Variants in SEMG1 observed in about 807,000 individuals in gnomAD.
SEMG1 encodes the protein semenogelin 1, also known as semenogelin-1.
SEMG1 carries 6 observed loss-of-function variants against 8.8 expected under a neutral mutation model. That is an observed-to-expected ratio of 0.68 (90% CI 0.37 to 1.35). SEMG1 has a LOEUF of 1.35. Ranked by LOEUF, SEMG1 falls within the 40% of genes most tolerant of loss-of-function variation. SEMG1 has a pLI of 0.02. For missense variants in SEMG1, 580 were observed against 533.6 expected (o/e 1.09, Z -0.86); for synonymous variants, 221 against 190.3 (o/e 1.16, Z -1.33).
In SEMG1 at chr20:45,207,727, C is replaced by G. The variant is rs375787081; in HGVS notation, c.430C>G (p.Gln144Glu). The change falls in exon 2 of 3, where the codon CAA (glutamine) becomes GAA (glutamate). Residue 144 changes from glutamine to glutamate, a missense_variant. Gln to Glu is a conservative substitution (Grantham distance 29). Transcript: ENST00000372781. ...KAHRGTQNPS[Q>E]DQGNSPSGKG... ...TCATCGTGGGACACAAAATCCTTCTCAAGATCAGGGGAATAGCCCATCTGG... is the reference window on the plus strand; with the variant it reads ...TCATCGTGGGACACAAAATCCTTCTGAAGATCAGGGGAATAGCCCATCTGG... 3.3e-5 allele frequency: 54 copies of G among 1,613,940 alleles called. No individual in the cohort carries two copies. The African/African-American group carries it at 4.3e-4, about 13-fold the overall frequency.
rs369111731 is a variant in SEMG1, at chr20:45,207,828, C to T, written c.531C>T (p.Ser177=). ...WVHGLSKEQT[S]VSGAQKGRKQ... The stretch of plus-strand genomic sequence containing the variant: ...ATGGACTAAGTAAAGAACAAACTTC[C>T]GTCTCTGGTGCACAAAAAGGTAGAA... Residue 177 remains serine (S), a synonymous_variant, in exon 2 of 3, where the codon TCC becomes TCT. Coordinates refer to ENST00000372781, the MANE Select transcript of SEMG1 (RefSeq NM_003007.5). 2.2e-5 allele frequency: 35 copies of T among 1,613,640 alleles called. No homozygotes were observed. Among genetic ancestry groups the T allele is most frequent in the South Asian group, 1.8e-4 (16 of 91,062 alleles).
At position 45,208,096 on chromosome 20, in the gene SEMG1, C is replaced by T; in HGVS notation, c.799C>T (p.Gln267Ter). 1 of 1,613,986 alleles carries T rather than the reference C, an allele frequency of 6.2e-7. No homozygotes were observed. The highest frequency in any genetic ancestry group is 8.5e-7 in the Non-Finnish European group (1 of 1,179,954). ...QDELLVYNKN[Q>*]HQTKNLNQDQ... ...TGAGCTCCTAGTATATAACAAGAATCAACACCAGACAAAAAATCTCAATCA... is the reference window on the plus strand; with the variant it reads ...TGAGCTCCTAGTATATAACAAGAATTAACACCAGACAAAAAATCTCAATCA... Residue 267 changes from glutamine (Q) to a stop codon, truncating the protein, a stop_gained, in exon 2 of 3, where the codon CAA becomes TAA. Coordinates refer to ENST00000372781, the MANE Select transcript of SEMG1 (RefSeq NM_003007.5). LOFTEE classifies it low-confidence loss of function (END_TRUNC).
chr20:45,207,325 G>A, intron 1 of SEMG1, 49 bp from the exon 2 acceptor site: 1 of 1,495,220 alleles, frequency 6.7e-7, no homozygotes, highest in Non-Finnish European at 9.1e-7. Flanking sequence ...AGAGTTGTAA[G>A]GGAGCTTTGG....
In SEMG1 at chr20:45,209,639, G is replaced by A. The variant is rs1362389743; in HGVS notation, c.*83G>A. 20 of 152,176 alleles carry A rather than the reference G, an allele frequency of 1.3e-4. No individual in the cohort carries two copies. Among genetic ancestry groups the A allele is most frequent in the Admixed American group, 1.1e-3 (17 of 15,276 alleles). 9.4% of individuals were successfully genotyped at this position (152,176 alleles called of 1,614,324 possible). On this transcript the variant is annotated 3_prime_UTR_variant, in exon 3 of 3. Transcript: ENST00000372781. Reference sequence around the variant, plus strand: ...TCAGTGAATTCTGTGATGTTTCTGAGATGCAGACTCCCGTGTAGTTTCAGA... The same window carrying A: ...TCAGTGAATTCTGTGATGTTTCTGAAATGCAGACTCCCGTGTAGTTTCAGA...
Position 45,207,118 on chromosome 20 carries a change from T to C in SEMG1, c.65T>C (p.Met22Thr), listed in dbSNP as rs1444085665. 1.1e-5 allele frequency: 18 copies of C among 1,613,662 alleles called. No individual in the cohort carries two copies. Among genetic ancestry groups the C allele is most frequent in the Admixed American group, 5.0e-5 (3 of 59,968 alleles). Reference sequence around the variant, plus strand: ...ATCTTGGAGAAGCAAGCAGCTGTGATGGGACAAAAAGGTGAGTGGAGAGGG... The same window carrying C: ...ATCTTGGAGAAGCAAGCAGCTGTGACGGGACAAAAAGGTGAGTGGAGAGGG... Reference protein sequence around the residue: ...LLILEKQAAVMGQKGGSKGRL... With the variant: ...LLILEKQAAVTGQKGGSKGRL... Residue 22 changes from methionine (M) to threonine (T), a missense_variant, in exon 1 of 3, where the codon ATG becomes ACG. Transcript: ENST00000372781.
At chr20:45,207,322 T>A (rs913640971) in intron 1 of SEMG1, 52 bp from the exon 2 acceptor site, 1 of 1,489,336 alleles carries the variant, frequency 6.7e-7, no homozygotes, top group African/African-American at 1.4e-5. Flanking sequence ...GTAAGAGTTG[T>A]AAGGGAGCTT....
In SEMG1 at chr20:45,208,518, T is replaced by G. The variant is rs777993795; in HGVS notation, c.1221T>G (p.Ser407=). 6 of 1,613,896 alleles carry G rather than the reference T, an allele frequency of 3.7e-6. No homozygotes were observed. The highest frequency in any genetic ancestry group is 5.1e-6 in the Non-Finnish European group (6 of 1,179,952). ...ATGGTGAAAATGCAAAAGGAGAGTC[T>G]GGCCAATCTACAAATAGAGAACAAG... The part of the protein sequence containing the change: ...PWHGENAKGE[S]GQSTNREQDL... Residue 407 remains serine (S), a synonymous_variant, in exon 2 of 3, where the codon TCT becomes TCG. Transcript: ENST00000372781.
chr20:45,208,784 T>C (rs1983778812), intron 2 of SEMG1, 54 bp downstream of exon 2: 2 of 862,968 alleles, frequency 2.3e-6, no homozygotes, highest in Non-Finnish European at 3.7e-6. Context: ...TTAGAATTGT[T>C]GGGGACTCTC....
chr20:45,207,132 G>A lies in SEMG1; in HGVS notation c.76+3G>A, dbSNP rs188343576. 3 of 1,613,748 alleles carry A rather than the reference G, an allele frequency of 1.9e-6. No homozygotes were observed. In the East Asian group the frequency reaches 6.7e-5, roughly 36 times the overall value. On this transcript the variant is annotated splice_donor_region_variant and intron_variant, in intron 1 of 2. Coordinates refer to ENST00000372781, the MANE Select transcript of SEMG1 (RefSeq NM_003007.5). ...AGCAGCTGTGATGGGACAAAAAGGT[G>A]AGTGGAGAGGGTAAGCCTTGGGGAA...
intron 2 of SEMG1, 128 bp from the exon 3 acceptor site, chr20:45,209,473 A>G (rs1983795769): frequency 6.6e-6 from 1 of 152,294 alleles, no homozygotes; most frequent in African/African-American, 2.4e-5. Flanking sequence ...GCTGGCAACT[A>G]GTGGCCTGGT....
chr20:45,207,589 C>T lies in SEMG1; in HGVS notation c.292C>T (p.Arg98Ter), dbSNP rs376380754. ...NALHKTTKSQ[R>*]HLGGSQQLLH... ...CCTACATAAGACGACAAAATCACAA[C>T]GACATCTAGGTGGAAGTCAACAACT... The change falls in exon 2 of 3, where the codon CGA becomes TGA. Residue 98 changes from arginine to a stop codon, truncating the protein, a stop_gained. Transcript: ENST00000372781. LOFTEE classifies it low-confidence loss of function (END_TRUNC). 55 of 1,613,450 alleles carry T rather than the reference C, an allele frequency of 3.4e-5. No individual in the cohort carries two copies. The highest frequency in any genetic ancestry group is 1.7e-4 in the Admixed American group (10 of 59,914).
In SEMG1 at chr20:45,207,630, A is replaced by G; in HGVS notation, c.333A>G (p.Gln111=). The change falls in exon 2 of 3, where the codon CAA becomes CAG. Residue 111 remains glutamine, a synonymous_variant. Coordinates refer to ENST00000372781, the MANE Select transcript of SEMG1 (RefSeq NM_003007.5). The part of the protein sequence containing the change: ...GGSQQLLHNK[Q]EGRDHDKSKG... ...GTCAACAACTGCTCCATAATAAACA[A>G]GAAGGCAGAGACCATGATAAATCAA... 6.2e-7 allele frequency: 1 copy of G among 1,613,948 alleles called. No individual in the cohort carries two copies. The highest frequency in any genetic ancestry group is 8.5e-7 in the Non-Finnish European group (1 of 1,179,882).
At position 45,208,760 on chromosome 20, in the gene SEMG1, A is replaced by G. The variant is rs773326293; in HGVS notation, c.*44+30A>G. ...TTTTTTTTTAGCAAATAGGGGAGAT[A>G]TCTCTCTCATTGTTTAGAATTGTTG... is the stretch of plus-strand genomic sequence containing the variant. On this transcript the variant is annotated intron_variant, in intron 2 of 2. Transcript: ENST00000372781. The G allele has an allele frequency of 4.9e-4, 487 of 995,786 alleles. 4 individuals are homozygous for G. The highest frequency in any genetic ancestry group is 1.2e-4 in the Non-Finnish European group (76 of 656,278). 61.7% of individuals were successfully genotyped at this position (995,786 alleles called of 1,614,324 possible).
At chr20:45,209,548 C>T (rs1248979411) in intron 2 of SEMG1, 53 bp from the exon 3 acceptor site, 1 of 152,262 alleles carries the variant, frequency 6.6e-6, no homozygotes, top group Non-Finnish European at 1.5e-5. Flanking sequence ...CTACCATCCC[C>T]ACCCTTCACT....
intron 1 of SEMG1, 83 bp downstream of exon 1, chr20:45,207,212 T>C: frequency 1.3e-6 from 2 of 1,567,292 alleles, no homozygotes; most frequent in Non-Finnish European, 1.7e-6. Context: ...CAGTAACCTG[T>C]TTAGGCACAG....
At chr20:45,208,794 C>T (rs1385209918) in intron 2 of SEMG1, 64 bp downstream of exon 2, 1 of 788,222 alleles carries the variant, frequency 1.3e-6, no homozygotes, top group Non-Finnish European at 2.1e-6. Context: ...TGGGGACTCT[C>T]CAGGACTTTT....
At position 45,208,064 on chromosome 20, in the gene SEMG1, C is replaced by T; in HGVS notation, c.767C>T (p.Thr256Ile). ...LQHGSKDIFSTQDELLVYNKN... is the reference protein window; with the variant it reads ...LQHGSKDIFSIQDELLVYNKN... ...CATGGATCCAAAGACATTTTTTCTA[C>T]CCAAGATGAGCTCCTAGTATATAAC... The change falls in exon 2 of 3, where the codon ACC (threonine) becomes ATC (isoleucine). Residue 256 changes from threonine (T) to isoleucine (I), a missense_variant. Thr to Ile is a moderately conservative substitution (Grantham distance 89). Coordinates refer to ENST00000372781, the MANE Select transcript of SEMG1 (RefSeq NM_003007.5). 6.2e-7 allele frequency: 1 copy of T among 1,613,928 alleles called. No individual in the cohort carries two copies. The highest frequency in any genetic ancestry group is 8.5e-7 in the Non-Finnish European group (1 of 1,179,938).
At chr20:45,207,284 CA>C (rs1983712014) in intron 1 of SEMG1, 89 bp from the exon 2 acceptor site, 2 of 1,448,572 alleles carry the variant, frequency 1.4e-6, no homozygotes, top group Admixed American at 4.2e-5. Context: ...CTAGAAATAT[CA>C]ATAATTTGTT....
chr20:45,207,388 C>A lies in SEMG1; in HGVS notation c.91C>A (p.Arg31=), dbSNP rs759593246. 3.1e-6 allele frequency: 5 copies of A among 1,610,126 alleles called. No homozygotes were observed. Among genetic ancestry groups the A allele is most frequent in the Non-Finnish European group, 4.2e-6 (5 of 1,178,354 alleles). The stretch of plus-strand genomic sequence containing the variant: ...TCAATTACCAGGTGGATCAAAAGGC[C>A]GATTACCAAGTGAATTTTCCCAATT... ...VMGQKGGSKG[R]LPSEFSQFPH... is the part of the protein sequence containing the mutation. The change falls in exon 2 of 3, where the codon CGA becomes AGA. Residue 31 remains arginine, a synonymous_variant. Coordinates refer to ENST00000372781, the MANE Select transcript of SEMG1 (RefSeq NM_003007.5).
Sources: gnomAD v4.1 joint callset for allele counts on GRCh38, gnomAD v4.1.1 for gene constraint, MANE v1.5 for transcripts, NCBI Gene and HGNC (gene_info 2026-07-23, HGNC 2026-07-21) for gene names.